Variants in SLC28A3 observed in about 807,000 individuals in gnomAD.
SLC28A3 encodes the protein concentrative Na(+)-nucleoside cotransporter 3.
In SLC28A3, 68 loss-of-function variants were observed where a neutral mutation model predicts 84.2. That is an observed-to-expected ratio of 0.81 (90% CI 0.66 to 0.99). The LOEUF (loss-of-function observed/expected upper bound fraction) is 0.99, where lower values mean the gene tolerates loss of function less well. Among genes scored for constraint, SLC28A3 ranks in the 50% least tolerant of loss-of-function variants. The pLI is 0.00. For missense variants in SLC28A3, 712 were observed against 841.5 expected, an observed-to-expected ratio of 0.85 and a Z score of 1.90; for synonymous variants, 267 against 303.6, an observed-to-expected ratio of 0.88 and a Z score of 1.25.
chr9:84,281,030 C>T, intron 14 of SLC28A3, 148 bp from the exon 15 acceptor site: 2 of 727,462 alleles, frequency 2.7e-6, no homozygotes, highest in South Asian at 1.8e-5. Context: ...CTCCCTAGAC[C>T]TCTTTTACCA....
chr9:84,326,688 G>T (rs1490379534), intron 1 of SLC28A3, among the ~76,000 whole-genome samples: 1 of 150,686 alleles, frequency 6.6e-6, no homozygotes. Flanking sequence ...CAACAACCAG[G>T]TCTTACTCTC....
chr9:84,307,717 A>G (rs1825851514), intron 3 of SLC28A3, among the ~76,000 whole-genome samples: 1 of 152,248 alleles, frequency 6.6e-6, no homozygotes, highest in African/African-American at 2.4e-5. Context: ...GCAGAGGGTG[A>G]CATTTAATAG....
rs568940323 is a variant in SLC28A3 at position 84,277,479 on chromosome 9, C to T, written c.*739G>A. 6 of 152,334 alleles carry T rather than the reference C, an allele frequency of 3.9e-5. 1 individual carries two copies. Among genetic ancestry groups the T allele is most frequent in the Admixed American group, 3.9e-4 (6 of 15,306 alleles). 9.4% of individuals were successfully genotyped at this position (152,334 alleles called of 1,614,324 possible). A position where few individuals can be genotyped will look rare whatever the true frequency, so the allele number is the denominator to read the frequency against. The stretch of plus-strand genomic sequence containing the variant: ...ACCAACATGCCCCCCTTAGAGGCTG[C>T]TCCTTTAGACTGGGTGCTGAAGCAA... On this transcript the variant is annotated 3_prime_UTR_variant, in exon 18 of 18. Coordinates refer to ENST00000376238, the MANE Select transcript of SLC28A3 (RefSeq NM_001199633.2).
At chr9:84,340,791 GGGCT>G, upstream of SLC28A3, 1 of 691,146 alleles carries the variant, frequency 1.4e-6, no homozygotes, top group Non-Finnish European at 2.4e-6. Flanking sequence ...TGAATGACTA[GGGCT>G]GACACCTGGT....
At chr9:84,283,100 G>C (rs1287846957) in intron 14 of SLC28A3, among the ~76,000 whole-genome samples, 1 of 152,226 alleles carries the variant, frequency 6.6e-6, no homozygotes, top group East Asian at 1.9e-4. Context: ...ATGACATAAG[G>C]AGCTTCAAAC....
chr9:84,340,950 G>C (rs1190964796), upstream of SLC28A3, among the ~76,000 whole-genome samples: 1 of 151,288 alleles, frequency 6.6e-6, no homozygotes, highest in Non-Finnish European at 1.5e-5. Flanking sequence ...GCACAAAACA[G>C]AAAAGGACAC....
chr9:84,335,490 A>G lies in SLC28A3; in HGVS notation c.60+5084T>C, dbSNP rs563433775. The stretch of plus-strand genomic sequence containing the variant: ...CTGGGCTCAGGAGTTTGAGGCTGCA[A>G]TAAGCTATGATTGTGCCACTGCACT... On this transcript the variant is annotated intron_variant, in intron 1 of 17. Coordinates refer to ENST00000376238, the MANE Select transcript of SLC28A3 (RefSeq NM_001199633.2). Among the ~76,000 whole-genome samples, 9 of 152,328 alleles carry G rather than the reference A, an allele frequency of 5.9e-5. No individual in the cohort carries two copies. In the East Asian group the frequency reaches 7.7e-4, roughly 13 times the overall value.
chr9:84,310,467 G>A (rs1825952366), intron 2 of SLC28A3: 1 of 985,250 alleles, frequency 1.0e-6, no homozygotes, highest in East Asian at 1.1e-4. Context: ...TGTAACCAAT[G>A]GTACAGAAGC....
upstream of SLC28A3, among the ~76,000 whole-genome samples, chr9:84,343,962 G>T (rs774355785): frequency 3.9e-5 from 6 of 151,974 alleles, no homozygotes; most frequent in Non-Finnish European, 8.8e-5. Context: ...GTGGTGGTAC[G>T]TGCCTGTAGT....
chr9:84,338,608 A>G (rs1827058280), intron 1 of SLC28A3, among the ~76,000 whole-genome samples: 1 of 152,096 alleles, frequency 6.6e-6, no homozygotes, highest in Admixed American at 6.6e-5. Flanking sequence ...TTGCTAGAAG[A>G]CAGTGAGGGA....
chr9:84,302,172 C>T (rs1424162472), intron 5 of SLC28A3, 28 bp downstream of exon 5: 1 of 1,603,208 alleles, frequency 6.2e-7, no homozygotes, highest in Non-Finnish European at 8.5e-7. Flanking sequence ...TCTCTCTTAA[C>T]TGAAATAAGA....
intron 9 of SLC28A3, 116 bp from the exon 10 acceptor site, chr9:84,292,864 G>A: frequency 1.5e-6 from 1 of 646,586 alleles, no homozygotes; most frequent in Non-Finnish European, 2.5e-6. Flanking sequence ...ACATTTGTCA[G>A]CAAGCTAATG....
chr9:84,294,203 T>C lies in SLC28A3; in HGVS notation c.934A>G (p.Ile312Val). Residue 312 changes from isoleucine to valine, a missense_variant, in exon 9 of 18, where the codon ATT becomes GTT. By Grantham distance (29) the Ile-to-Val change is conservative. Coordinates refer to ENST00000376238, the MANE Select transcript of SLC28A3 (RefSeq NM_001199633.2). ...CCTCCCAGCCCCAGTACCTTTCTAA[T>C]AATCCACTGCATCAGTCCCAGGTAG... Reference protein sequence around the residue: ...LYYLGLMQWIIRKVGWIMLVT... With the variant: ...LYYLGLMQWIVRKVGWIMLVT... 6.2e-7 allele frequency: 1 copy of C among 1,614,006 alleles called. No individual in the cohort carries two copies. Among genetic ancestry groups the C allele is most frequent in the East Asian group, 2.2e-5 (1 of 44,882 alleles).
At position 84,335,505 on chromosome 9, in the gene SLC28A3, G is replaced by T. The variant is rs185189917; in HGVS notation, c.60+5069C>A. The stretch of plus-strand genomic sequence containing the variant: ...TGAGGCTGCAATAAGCTATGATTGT[G>T]CCACTGCACTTCAGCGTGGGTGACA... On this transcript the variant is annotated intron_variant, in intron 1 of 17. Transcript: ENST00000376238. 3.0e-3 allele frequency among the ~76,000 whole-genome samples: 459 copies of T among 152,308 alleles called. 3 individuals carry two copies. The highest frequency in any genetic ancestry group is 0.011 in the African/African-American group (446 of 41,564).
At chr9:84,294,306 G>C in intron 8 of SLC28A3, 31 bp from the exon 9 acceptor site, 1 of 1,608,918 alleles carries the variant, frequency 6.2e-7, no homozygotes, top group South Asian at 1.1e-5. Flanking sequence ...ATGGATTAAT[G>C]ATGGGTCCAG....
At chr9:84,280,710 G>A (rs1303630463) in intron 15 of SLC28A3, 91 bp downstream of exon 15, 7 of 1,303,222 alleles carry the variant, frequency 5.4e-6, no homozygotes, top group Non-Finnish European at 7.7e-6. Flanking sequence ...AAAGGCCTTT[G>A]TTTTTTCTGA....
At chr9:84,279,918 C>A in intron 16 of SLC28A3, 57 bp downstream of exon 16, 1 of 1,558,268 alleles carries the variant, frequency 6.4e-7, no homozygotes, top group Non-Finnish European at 8.8e-7. Flanking sequence ...CACTGCCTGT[C>A]CTGAAAGCTG....
rs957512160 is a variant in SLC28A3 at position 84,276,468 on chromosome 9, A to AC, written c.*1749dup. 3.3e-5 allele frequency: 5 copies of AC among 152,062 alleles called. No individual in the cohort carries two copies. The highest frequency in any genetic ancestry group is 7.2e-5 in the African/African-American group (3 of 41,396). The allele number at this position is 152,062 out of a possible 1,614,324, so 9.4% of individuals were successfully genotyped here. A position where few individuals can be genotyped will look rare whatever the true frequency, so the allele number is the denominator to read the frequency against. On this transcript the variant is annotated 3_prime_UTR_variant, in exon 18 of 18. Coordinates refer to ENST00000376238, the MANE Select transcript of SLC28A3 (RefSeq NM_001199633.2). The stretch of plus-strand genomic sequence containing the variant: ...CACTGTCCAGAGTAGGAAAAAGAGA[A>AC]CCCCCAAACCAAAACCTGTAAACAA...
chr9:84,345,506 A>G (rs1257752093), upstream of SLC28A3, among the ~76,000 whole-genome samples: 1 of 152,162 alleles, frequency 6.6e-6, no homozygotes, highest in African/African-American at 2.4e-5. Context: ...TCTTGCAGAC[A>G]CTGCTTTAGG....
Sources: gnomAD v4.1 joint callset for allele counts (sites outside exome capture counted in the v4.1 genomes callset) on GRCh38, gnomAD v4.1.1 for gene constraint, MANE v1.5 for transcripts, NCBI Gene and HGNC (gene_info 2026-07-23, HGNC 2026-07-21) for gene names.